The following PRKN variants were observed in gnomAD, a reference collection of about 807,000 sequenced individuals.
PRKN encodes the protein E3 ubiquitin-protein ligase parkin.
In PRKN, 56 loss-of-function variants were observed where a neutral mutation model predicts 59.5. The ratio of observed to expected loss-of-function variants is 0.94; its 90% CI spans 0.76 to 1.18. PRKN has a LOEUF of 1.18. Among genes scored for constraint, PRKN ranks in the 50% most tolerant of loss-of-function variants. The pLI is 0.00. For synonymous variants in PRKN, 250 were observed against 222.1 expected (o/e 1.13, Z -1.12); for missense variants, 657 against 596.4 (o/e 1.10, Z -1.06).
intron 9 of PRKN, among the ~76,000 whole-genome samples, chr6:161,481,711 G>C (rs189912296): frequency 3.3e-5 from 5 of 152,280 alleles, no homozygotes; most frequent in African/African-American, 1.2e-4. Flanking sequence ...ATTTTAAAAG[G>C]CAGCTGTCAT....
chr6:162,277,962 G>T (rs947362149), intron 2 of PRKN, among the ~76,000 whole-genome samples: 47 of 152,258 alleles, frequency 3.1e-4, no homozygotes, highest in Admixed American at 1.1e-3. Context: ...CCACACAAAA[G>T]CCTGCACACA....
chr6:162,584,208 GTC>G (rs1780906392), intron 1 of PRKN, among the ~76,000 whole-genome samples: 1 of 116,214 alleles, frequency 8.6e-6, no homozygotes, highest in African/African-American at 3.7e-5. Flanking sequence ...GTGAGACTCC[GTC>G]TCAAAAAAAA....
chr6:161,976,195 G>A (rs1177310977), intron 5 of PRKN, among the ~76,000 whole-genome samples: 1 of 152,158 alleles, frequency 6.6e-6, no homozygotes. Flanking sequence ...GTGAGCCACT[G>A]TGCCTGGCTG....
At chr6:162,518,995 C>G (rs1289835901) in intron 1 of PRKN, among the ~76,000 whole-genome samples, 3 of 152,148 alleles carry the variant, frequency 2.0e-5, no homozygotes, top group South Asian at 2.1e-4. Flanking sequence ...TGCCTTTAAT[C>G]CTAGCACTTT....
intron 1 of PRKN, among the ~76,000 whole-genome samples, chr6:162,465,007 TCTATGTAACATATCC>T (rs1225473908): frequency 1.3e-5 from 2 of 152,122 alleles, no homozygotes; most frequent in Admixed American, 1.3e-4. Flanking sequence ...AGGGCAAGCA[TCTATGTAACATATCC>T]CTATTCTGCA....
At chr6:162,563,229 A>G (rs1198529484) in intron 1 of PRKN, among the ~76,000 whole-genome samples, 3 of 151,950 alleles carry the variant, frequency 2.0e-5, no homozygotes, top group Non-Finnish European at 2.9e-5. Context: ...GCGTGAACCC[A>G]GGAGGCGGAG....
intron 4 of PRKN, among the ~76,000 whole-genome samples, chr6:162,075,359 T>C (rs937397949): frequency 6.7e-6 from 1 of 149,480 alleles, no homozygotes; most frequent in Admixed American, 6.6e-5. Context: ...ATCATAGAAA[T>C]ATTATTATTT....
chr6:161,679,784 T>C (rs188477173), intron 7 of PRKN, among the ~76,000 whole-genome samples: 3,591 of 116,702 alleles, frequency 0.031, 151 homozygotes, highest in Middle Eastern at 0.056. Flanking sequence ...AGATGGAGTC[T>C]CACTCTGTCA....
At chr6:162,572,729 A>T (rs1780393019) in intron 1 of PRKN, among the ~76,000 whole-genome samples, 1 of 152,230 alleles carries the variant, frequency 6.6e-6, no homozygotes, top group South Asian at 2.1e-4. Flanking sequence ...CAGTAAAATC[A>T]ATCAGGAAAT....
At chr6:161,597,310 C>G (rs1368186608) in intron 7 of PRKN, among the ~76,000 whole-genome samples, 1 of 152,170 alleles carries the variant, frequency 6.6e-6, no homozygotes, top group East Asian at 1.9e-4. Context: ...GTCAGGTTTT[C>G]TGTTATTGTA....
At chr6:162,130,136 A>C (rs933539260) in intron 4 of PRKN, among the ~76,000 whole-genome samples, 1 of 152,104 alleles carries the variant, frequency 6.6e-6, no homozygotes, top group Non-Finnish European at 1.5e-5. Flanking sequence ...CAAATACAGG[A>C]ATCTACCACT....
intron 2 of PRKN, among the ~76,000 whole-genome samples, chr6:162,387,408 G>A (rs547624701): frequency 7.2e-4 from 110 of 151,984 alleles, no homozygotes; most frequent in African/African-American, 2.5e-3. Flanking sequence ...AGGCTGTTAC[G>A]AATAATTTTT....
At chr6:161,872,475 C>CT (rs1794380085) in intron 6 of PRKN, among the ~76,000 whole-genome samples, 1 of 152,082 alleles carries the variant, frequency 6.6e-6, no homozygotes, top group South Asian at 2.1e-4. Context: ...TTAATTAATG[C>CT]CCTCATATCA....
At chr6:162,223,720 C>G (rs192616932) in intron 3 of PRKN, among the ~76,000 whole-genome samples, 2 of 151,108 alleles carry the variant, frequency 1.3e-5, no homozygotes, top group African/African-American at 4.9e-5. Flanking sequence ...ACACATTTTC[C>G]TACCTTTGTA....
At chr6:162,530,646 C>T (rs1479831433) in intron 1 of PRKN, among the ~76,000 whole-genome samples, 4 of 152,130 alleles carry the variant, frequency 2.6e-5, no homozygotes, top group South Asian at 2.1e-4. Flanking sequence ...CACTGGAAAG[C>T]GTCTTATGAA....
chr6:162,685,474 A>G (rs1779934263), intron 1 of PRKN, among the ~76,000 whole-genome samples: 1 of 152,186 alleles, frequency 6.6e-6, no homozygotes, highest in African/African-American at 2.4e-5. Flanking sequence ...AATTCCTGGA[A>G]AATGTCGTAG....
chr6:162,436,332 T>C (rs1435111150), intron 2 of PRKN, among the ~76,000 whole-genome samples: 2 of 149,812 alleles, frequency 1.3e-5, no homozygotes, highest in Middle Eastern at 3.4e-3. Context: ...CAGCAGATCA[T>C]CTGTTTCCTT....
Position 161,575,401 on chromosome 6 carries a change from C to CAAACA in PRKN, c.872-5990_872-5986dup, listed in dbSNP as rs571462324. Among the ~76,000 whole-genome samples, 262 of 152,124 alleles carry CAAACA rather than the reference C, an allele frequency of 1.7e-3. 3 individuals carry two copies. Among genetic ancestry groups the CAAACA allele is most frequent in the Non-Finnish European group, 2.4e-3 (161 of 67,976 alleles). On this transcript the variant is annotated intron_variant, in intron 7 of 11. Coordinates refer to ENST00000366898, the MANE Select transcript of PRKN (RefSeq NM_004562.3). The surrounding 1 kb of genome is among the most constrained non-coding windows in gnomAD (Gnocchi z 4.6). ...GACAGCTACTGAGAAAAAGCAACCC[C>CAAACA]AAACAAAACAAAACAAAACAAATAC...
At position 161,545,393 on chromosome 6, in the gene PRKN, C is replaced by T; in HGVS notation, c.1083+3461G>A. The T allele has an allele frequency of 6.2e-7, 1 of 1,612,448 alleles. No homozygotes were observed. The highest frequency in any genetic ancestry group is 8.5e-7 in the Non-Finnish European group (1 of 1,179,626). On this transcript the variant is annotated intron_variant, in intron 9 of 11. Coordinates refer to ENST00000366898, the MANE Select transcript of PRKN (RefSeq NM_004562.3). The surrounding 1 kb of genome is among the most constrained non-coding windows in gnomAD (Gnocchi z 4.1). ...CTTGAACGATGTATTGAATGAGGCA[C>T]TCACTTCTCCCTGAGGCAGCTTATT...
Sources: gnomAD v4.1 joint callset for allele counts (sites outside exome capture counted in the v4.1 genomes callset) on GRCh38, gnomAD v4.1.1 for gene constraint, Gnocchi (gnomAD v3.1) non-coding constraint, MANE v1.5 for transcripts, NCBI Gene and HGNC (gene_info 2026-07-23, HGNC 2026-07-21) for gene names.